The following LRRC69 variants were observed in gnomAD, a reference collection of about 807,000 sequenced individuals.
LRRC69 encodes leucine-rich repeat-containing protein 69.
A neutral mutation model predicts 37.8 loss-of-function variants in LRRC69; 42 were observed. The ratio of observed to expected loss-of-function variants is 1.11; its 90% CI spans 0.87 to 1.44. The LOEUF is 1.44. Among genes scored for constraint, LRRC69 ranks in the 40% most tolerant of loss-of-function variants. LRRC69 has a pLI of 0.00. For synonymous variants in LRRC69, 141 were observed against 143.1 expected (o/e 0.99, Z 0.11); for missense variants, 357 against 401.9 (o/e 0.89, Z 0.96).
At chr8:91,194,468 A>T (rs972288970) in intron 6 of LRRC69, among the ~76,000 whole-genome samples, 3 of 152,010 alleles carry the variant, frequency 2.0e-5, no homozygotes, top group Admixed American at 1.3e-4. Context: ...CTGTGAATCC[A>T]TCTGGTCCTG....
intron 1 of LRRC69, among the ~76,000 whole-genome samples, chr8:91,108,180 A>G (rs939805639): frequency 1.3e-5 from 2 of 152,178 alleles, no homozygotes; most frequent in African/African-American, 4.8e-5. Flanking sequence ...TTGACAGTAA[A>G]TAAGACCAAC....
chr8:91,219,026 C>T (rs1025752371), downstream of LRRC69: 9 of 1,308,828 alleles, frequency 6.9e-6, no homozygotes, highest in Non-Finnish European at 9.7e-6. Context: ...CATTCATAGC[C>T]TCACTCCACT....
At chr8:91,208,270 A>G (rs1563626356) in intron 7 of LRRC69, among the ~76,000 whole-genome samples, 3 of 152,272 alleles carry the variant, frequency 2.0e-5, no homozygotes, top group South Asian at 4.2e-4. Context: ...CTTGACAAAG[A>G]GAGGCTAGAC....
intron 5 of LRRC69, among the ~76,000 whole-genome samples, chr8:91,168,374 CCTCCT>C (rs1220876772): frequency 6.6e-6 from 1 of 151,824 alleles, no homozygotes; most frequent in Non-Finnish European, 1.5e-5. Context: ...CATCTCCAGC[CCTCCT>C]CTCCTGAACT....
At chr8:91,187,600 C>A (rs1472620181) in intron 5 of LRRC69, among the ~76,000 whole-genome samples, 1 of 152,210 alleles carries the variant, frequency 6.6e-6, no homozygotes, top group African/African-American at 2.4e-5. Flanking sequence ...TAATATATTT[C>A]TGTCCAGGTT....
chr8:91,189,461 T>C, intron 5 of LRRC69, 61 bp from the exon 6 acceptor site: 1 of 1,028,932 alleles, frequency 9.7e-7, no homozygotes, highest in South Asian at 1.5e-5. Flanking sequence ...ATTAAAAATG[T>C]AGCTTTAGAG....
intron 5 of LRRC69, among the ~76,000 whole-genome samples, chr8:91,164,452 G>T (rs916903957): frequency 2.0e-5 from 3 of 151,554 alleles, no homozygotes; most frequent in Non-Finnish European, 4.4e-5. Flanking sequence ...CTTCAAAGAT[G>T]GCCAAAGTCC....
intron 5 of LRRC69, among the ~76,000 whole-genome samples, chr8:91,140,091 C>CAAAAA (rs560827789): frequency 8.7e-6 from 1 of 115,036 alleles, no homozygotes; most frequent in Non-Finnish European, 1.8e-5. Flanking sequence ...AACTCCGTCT[C>CAAAAA]AAAAAAAAAA....
intron 5 of LRRC69, among the ~76,000 whole-genome samples, chr8:91,161,375 T>G (rs1808941950): frequency 6.6e-6 from 1 of 151,386 alleles, no homozygotes; most frequent in Non-Finnish European, 1.5e-5. Flanking sequence ...GGATGTTAGT[T>G]TCTTAAAAGT....
chr8:91,171,238 C>A (rs1389617052), intron 5 of LRRC69, among the ~76,000 whole-genome samples: 3 of 151,964 alleles, frequency 2.0e-5, no homozygotes, highest in East Asian at 1.9e-4. Context: ...TCACCCAGGA[C>A]AATTGTTTGA....
At chr8:91,119,675 T>C (rs939213397) in intron 1 of LRRC69, among the ~76,000 whole-genome samples, 7 of 152,054 alleles carry the variant, frequency 4.6e-5, no homozygotes, top group Non-Finnish European at 1.0e-4. Flanking sequence ...AGATTGCCTT[T>C]CAAAGTGACT....
At chr8:91,194,688 A>G (rs867954921) in intron 6 of LRRC69, among the ~76,000 whole-genome samples, 5 of 151,942 alleles carry the variant, frequency 3.3e-5, no homozygotes, top group South Asian at 2.1e-4. Context: ...GGGATCGGTG[A>G]TGATATCCCC....
rs1554597817 is a variant in LRRC69, at chr8:91,211,616, A to ATATT, written c.934-7273_934-7272insATTT. Reference sequence around the variant, plus strand: ...TACAAATATATATATATATATATATATTTTTTTTTTATTTTTTTTGCTTGG... The same window carrying ATATT: ...TACAAATATATATATATATATATATATATTTTTTTTTTTTATTTTTTTTGCTTGG... On this transcript the variant is annotated intron_variant, in intron 7 of 7. Coordinates refer to ENST00000448384, the Ensembl canonical transcript of LRRC69. Among the ~76,000 whole-genome samples the ATATT allele has an allele frequency of 5.3e-4, 73 of 137,522 alleles. 1 individual carries two copies. In the East Asian group the frequency reaches 9.0e-3, roughly 17 times the overall value. 90.2% of individuals were successfully genotyped at this position (137,522 alleles called of 152,430 possible). A position where few individuals can be genotyped will look rare whatever the true frequency, so the allele number is the denominator to read the frequency against.
intron 6 of LRRC69, among the ~76,000 whole-genome samples, chr8:91,190,443 T>C (rs951352438): frequency 1.3e-5 from 2 of 152,054 alleles, no homozygotes; most frequent in African/African-American, 2.4e-5. Context: ...AAAAAGCCAA[T>C]AGAAGTTAAT....
intron 5 of LRRC69, among the ~76,000 whole-genome samples, chr8:91,153,285 A>G (rs1463898567): frequency 6.6e-6 from 1 of 151,254 alleles, no homozygotes; most frequent in African/African-American, 2.4e-5. Context: ...TTAACGCCCC[A>G]CTGTCAATAT....
At chr8:91,135,455 C>T (rs1229499166) in intron 4 of LRRC69, among the ~76,000 whole-genome samples, 1 of 151,930 alleles carries the variant, frequency 6.6e-6, no homozygotes, top group Non-Finnish European at 1.5e-5. Context: ...TGTTATGTTG[C>T]CCTGGAGTGG....
At chr8:91,131,892 G>T (rs1352818210) in intron 3 of LRRC69, among the ~76,000 whole-genome samples, 2 of 151,880 alleles carry the variant, frequency 1.3e-5, no homozygotes, top group African/African-American at 4.8e-5. Context: ...TTTGCTGGGT[G>T]CCTTTAATTT....
chr8:91,113,412 C>T (rs964904405), intron 1 of LRRC69, among the ~76,000 whole-genome samples: 2 of 151,946 alleles, frequency 1.3e-5, no homozygotes, highest in African/African-American at 4.8e-5. Flanking sequence ...AATAAATCCA[C>T]GTATGTATGA....
chr8:91,141,150 C>T (rs73697114), intron 5 of LRRC69, among the ~76,000 whole-genome samples: 4,859 of 152,074 alleles, frequency 0.032, 248 homozygotes, highest in African/African-American at 0.11. Context: ...GAAGTATGGC[C>T]TTTAGTGGAC....
Sources: gnomAD v4.1 joint callset for allele counts (sites outside exome capture counted in the v4.1 genomes callset) on GRCh38, gnomAD v4.1.1 for gene constraint, MANE v1.5 for transcripts, NCBI Gene and HGNC (gene_info 2026-07-23, HGNC 2026-07-21) for gene names.